Variants in TDRD3 observed in about 807,000 individuals in gnomAD.
The protein encoded by TDRD3 is tudor domain-containing protein 3.
A neutral mutation model predicts 86.7 loss-of-function variants in TDRD3; 45 were observed. The ratio of observed to expected loss-of-function variants is 0.52; its 90% CI spans 0.41 to 0.67. TDRD3 has a LOEUF of 0.67. TDRD3 is among the 30% of genes least tolerant of loss of function. The probability of loss-of-function intolerance (pLI) is 0.00; values close to 1 mark genes in which losing one functional copy is unlikely to be tolerated. For synonymous variants in TDRD3, 298 were observed against 301.7 expected, an observed-to-expected ratio of 0.99 and a Z score of 0.13; for missense variants, 814 against 889.0, an observed-to-expected ratio of 0.92 and a Z score of 1.07.
chr13:60,573,771 A>G lies in TDRD3; in HGVS notation c.*165A>G. On this transcript the variant is annotated 3_prime_UTR_variant, in exon 14 of 14. Coordinates refer to ENST00000377881, the MANE Select transcript of TDRD3 (RefSeq NM_001146070.2). Reference sequence around the variant, plus strand: ...AGGGTGGAAAAAACAGTCAACTCACACAAAGAATGGAAAAAAATACTGAGT... The same window carrying G: ...AGGGTGGAAAAAACAGTCAACTCACGCAAAGAATGGAAAAAAATACTGAGT... The G allele has an allele frequency of 1.9e-6, 1 of 526,898 alleles. No homozygotes were observed. The highest frequency in any genetic ancestry group is 2.4e-6 in the Non-Finnish European group (1 of 410,964). 32.6% of individuals were successfully genotyped at this position (526,898 alleles called of 1,614,324 possible). A position where few individuals can be genotyped will look rare whatever the true frequency, so the allele number is the denominator to read the frequency against.
chr13:60,535,008 A>AT, intron 11 of TDRD3, 100 bp from the exon 12 acceptor site: 2 of 1,387,446 alleles, frequency 1.4e-6, no homozygotes, highest in Non-Finnish European at 2.0e-6. Context: ...TCTAAAGAAT[A>AT]TTACACATTG....
chr13:60,415,338 G>A (rs1954477468), intron 1 of TDRD3, among the ~76,000 whole-genome samples: 1 of 152,066 alleles, frequency 6.6e-6, no homozygotes, highest in South Asian at 2.1e-4. Flanking sequence ...CATTTTTGAT[G>A]TTATTCTGAT....
At chr13:60,419,890 AGGT>A (rs2137864807) in intron 1 of TDRD3, among the ~76,000 whole-genome samples, 1 of 152,288 alleles carries the variant, frequency 6.6e-6, no homozygotes, top group Non-Finnish European at 1.5e-5. Context: ...TTAAAAATCT[AGGT>A]GGTGTGAGCA....
intron 12 of TDRD3, among the ~76,000 whole-genome samples, chr13:60,545,052 A>G (rs1234607180): frequency 3.9e-5 from 6 of 152,196 alleles, no homozygotes; most frequent in Admixed American, 3.9e-4. Context: ...TAGCTTTTCA[A>G]CAAATATTCT....
chr13:60,474,334 C>T (rs1192314551), intron 5 of TDRD3, among the ~76,000 whole-genome samples: 1 of 152,178 alleles, frequency 6.6e-6, no homozygotes, highest in African/African-American at 2.4e-5. Flanking sequence ...GCTAGGCATT[C>T]GGGGTCACTA....
At chr13:60,475,868 T>C (rs1956175127) in intron 5 of TDRD3, among the ~76,000 whole-genome samples, 1 of 152,220 alleles carries the variant, frequency 6.6e-6, no homozygotes, top group Admixed American at 6.5e-5. Flanking sequence ...TTCATGTCCT[T>C]TGCCTATTCT....
chr13:60,456,452 C>G (rs995675724), intron 3 of TDRD3, among the ~76,000 whole-genome samples: 2 of 152,088 alleles, frequency 1.3e-5, no homozygotes, highest in African/African-American at 4.8e-5. Context: ...ACATGCTTAC[C>G]TGGAGGTGCA....
intron 1 of TDRD3, among the ~76,000 whole-genome samples, chr13:60,421,086 A>G (rs966181631): frequency 3.9e-5 from 6 of 152,186 alleles, no homozygotes; most frequent in African/African-American, 7.2e-5. Context: ...GTGAGCCCTC[A>G]TCTTTTCTTT....
In TDRD3 at chr13:60,522,512, C is replaced by T. The variant is rs113487986; in HGVS notation, c.1142-5855C>T. The stretch of plus-strand genomic sequence containing the variant: ...AAGTACTTTACATATGTTAATCCTC[C>T]GAGGTATGCTCTATTATTACCCCCA... On this transcript the variant is annotated intron_variant, in intron 10 of 13. Coordinates refer to ENST00000377881, the MANE Select transcript of TDRD3 (RefSeq NM_001146070.2). 3.4e-3 allele frequency among the ~76,000 whole-genome samples: 515 copies of T among 152,184 alleles called. 4 individuals carry two copies. The highest frequency in any genetic ancestry group is 0.012 in the African/African-American group (488 of 41,520).
chr13:60,449,986 T>C (rs897410834), intron 3 of TDRD3, among the ~76,000 whole-genome samples: 1 of 152,134 alleles, frequency 6.6e-6, no homozygotes, highest in Admixed American at 6.6e-5. Flanking sequence ...TAGTGAATTC[T>C]AATAATTCTT....
chr13:60,460,344 C>T (rs767125210), intron 3 of TDRD3, 36 bp from the exon 4 acceptor site: 1 of 1,535,762 alleles, frequency 6.5e-7, no homozygotes, highest in Non-Finnish European at 8.7e-7. Flanking sequence ...AGTTTCATGA[C>T]TAGAAAGTGA....
chr13:60,502,062 A>G (rs566030435), intron 8 of TDRD3, among the ~76,000 whole-genome samples: 1 of 152,236 alleles, frequency 6.6e-6, no homozygotes, highest in Non-Finnish European at 1.5e-5. Flanking sequence ...TGTGTAGTAC[A>G]TAATTTCCAT....
chr13:60,452,468 A>C (rs980438737), intron 3 of TDRD3, among the ~76,000 whole-genome samples: 1 of 152,038 alleles, frequency 6.6e-6, no homozygotes, highest in Non-Finnish European at 1.5e-5. Context: ...CAAGAATAAT[A>C]TATTCTTACA....
intron 4 of TDRD3, among the ~76,000 whole-genome samples, chr13:60,466,024 G>A (rs1955916432): frequency 6.6e-6 from 1 of 152,148 alleles, no homozygotes; most frequent in South Asian, 2.1e-4. Flanking sequence ...TATAAGAAGA[G>A]TCATGGTGTA....
intron 10 of TDRD3, among the ~76,000 whole-genome samples, chr13:60,519,619 T>C (rs900840183): frequency 6.6e-6 from 1 of 152,162 alleles, no homozygotes; most frequent in Non-Finnish European, 1.5e-5. Flanking sequence ...AAATAACTCA[T>C]GGTTATTAAT....
chr13:60,568,219 A>G (rs1042584456), intron 13 of TDRD3, among the ~76,000 whole-genome samples: 1 of 152,160 alleles, frequency 6.6e-6, no homozygotes. Context: ...CTCATGTAGT[A>G]GTAGTCTGCC....
chr13:60,444,510 C>T (rs574748916), intron 2 of TDRD3, among the ~76,000 whole-genome samples, 173 bp from the exon 3 acceptor site: 6 of 151,894 alleles, frequency 4.0e-5, no homozygotes, highest in South Asian at 2.1e-4. Context: ...CTTTAAACAA[C>T]GTATTATGGG....
chr13:60,475,211 T>C (rs1246211447), intron 5 of TDRD3, among the ~76,000 whole-genome samples: 12 of 152,136 alleles, frequency 7.9e-5, no homozygotes, highest in Admixed American at 7.9e-4. Context: ...TAGTACCCTA[T>C]AGGTAGCCTT....
intron 5 of TDRD3, among the ~76,000 whole-genome samples, chr13:60,476,765 A>G (rs975668995): frequency 6.6e-6 from 1 of 151,978 alleles, no homozygotes; most frequent in Non-Finnish European, 1.5e-5. Context: ...CATTGTAGAG[A>G]TCTTTCGCCT....
Sources: gnomAD v4.1 joint callset for allele counts (sites outside exome capture counted in the v4.1 genomes callset) on GRCh38, gnomAD v4.1.1 for gene constraint, MANE v1.5 for transcripts, NCBI Gene and HGNC (gene_info 2026-07-23, HGNC 2026-07-21) for gene names.